Variants in ITIH6 observed in about 807,000 individuals in gnomAD.
ITIH6 encodes inter-alpha-trypsin inhibitor heavy chain family member 6.
Under a neutral mutation model 58.2 loss-of-function variants are expected in ITIH6, and 60 were observed. That is an observed-to-expected ratio of 1.03 (90% CI 0.84 to 1.28). The LOEUF (loss-of-function observed/expected upper bound fraction) is 1.28. Among genes scored for constraint, ITIH6 ranks in the 50% most tolerant of loss-of-function variants. The probability of loss-of-function intolerance (pLI) is 0.00; values close to 1 mark genes in which losing one functional copy is unlikely to be tolerated. For missense variants in ITIH6, 1,290 were observed against 1,021.1 expected, an observed-to-expected ratio of 1.26 and a Z score of -3.59; for synonymous variants, 493 against 417.4, an observed-to-expected ratio of 1.18 and a Z score of -2.21.
intron 6 of ITIH6, among the ~76,000 whole-genome samples, chrX:54,764,406 C>T (rs1333971198): frequency 1.9e-5 from 2 of 107,529 alleles, no homozygotes; most frequent in East Asian, 2.9e-4. Flanking sequence ...CTATCCCTCC[C>T]CCCTTCCCCC....
chrX:54,753,046 G>A (rs181655413), intron 11 of ITIH6, among the ~76,000 whole-genome samples: 23 of 112,699 alleles, frequency 2.0e-4, no homozygotes, highest in East Asian at 1.4e-3. Context: ...AAGCCTCACC[G>A]GAGAATTCTC....
Position 54,757,740 on chromosome X carries a change from A to G in ITIH6, c.2334T>C (p.Cys778=), listed in dbSNP as rs1380254794. 1 of 1,211,821 alleles carries G rather than the reference A, an allele frequency of 8.3e-7. No homozygotes were observed. The highest frequency in any genetic ancestry group is 2.2e-5 in the Admixed American group (1 of 46,041). The change falls in exon 8 of 13, where the codon TGT becomes TGC. Residue 778 remains cysteine (C), a synonymous_variant. Transcript: ENST00000218436. The stretch of plus-strand genomic sequence containing the variant: ...CAGGTTTGGAATGCAGTGGAGTAAC[A>G]CATTTCACAGTGTCAGCTTTGGGCG... ...PASPKADTVK[C]VTPLHSKPGA...
chrX:54,778,075 G>T (rs1275555432), intron 5 of ITIH6, among the ~76,000 whole-genome samples: 1 of 111,695 alleles, frequency 9.0e-6, no homozygotes, highest in Non-Finnish European at 1.9e-5. Context: ...CACAGAGAAG[G>T]CATTCAGAAT....
At chrX:54,794,681 A>C (rs1929409876) in intron 2 of ITIH6, among the ~76,000 whole-genome samples, 1 of 111,361 alleles carries the variant, frequency 9.0e-6, no homozygotes, top group Admixed American at 9.5e-5. Context: ...GGCCCACCCC[A>C]GGGCTGCTGT....
intron 5 of ITIH6, chrX:54,787,338 TC>T (rs1174385128): frequency 8.9e-6 from 1 of 112,114 alleles, no homozygotes; most frequent in East Asian, 2.8e-4. Context: ...AATTCATTTT[TC>T]CCATGCTTAC....
Position 54,774,204 on chromosome X carries a change from C to CAAAAAAAAAAAAAAAAAAAA in ITIH6, c.787-8_787-7insTTTTTTTTTTTTTTTTTTTT, listed in dbSNP as rs35679081. On this transcript the variant is annotated splice_region_variant and splice_polypyrimidine_tract_variant and intron_variant, in intron 5 of 12. Transcript: ENST00000218436. ...TGAAATAGTCATCGTAAATCTGGAC[C>CAAAAAAAAAAAAAAAAAAAA]AAAAAAAAAAAAAAAAAAGTAGAAC... 2.3e-6 allele frequency: 1 copy of CAAAAAAAAAAAAAAAAAAAA among 427,058 alleles called. No homozygotes were observed. The highest frequency in any genetic ancestry group is 3.3e-6 in the Non-Finnish European group (1 of 304,979). The allele number at this position is 427,058 out of a possible 1,213,427, so 35.2% of individuals were successfully genotyped here. A position where few individuals can be genotyped will look rare whatever the true frequency, so the allele number is the denominator to read the frequency against.
Position 54,791,029 on chromosome X carries a change from C to T in ITIH6, c.424G>A (p.Val142Met), listed in dbSNP as rs1245078536. ...TCCTCATAGGCCAGGGAAAAAGTCA[C>T]CTCTGTGCCTGCTGCCAGGCTGGTG... ...ISTSLAAGTE[V>M]TFSLAYEELL... The change falls in exon 4 of 13, where the codon GTG becomes ATG. Residue 142 changes from valine (V) to methionine (M), a missense_variant. Transcript: ENST00000218436. 4.1e-6 allele frequency: 5 copies of T among 1,211,592 alleles called. No individual in the cohort carries two copies. The highest frequency in any genetic ancestry group is 2.2e-5 in the Admixed American group (1 of 46,088).
rs1928313689 is a variant in ITIH6 at position 54,749,799 on chromosome X, C to T, written c.*96G>A. On this transcript the variant is annotated 3_prime_UTR_variant, in exon 13 of 13. Coordinates refer to ENST00000218436, the MANE Select transcript of ITIH6 (RefSeq NM_198510.3). The stretch of plus-strand genomic sequence containing the variant: ...GTGAGTCTGTGTGTCCCTGTGTGTG[C>T]TTCCATGTCCTTGGGTCTCTGTCCC... 6.1e-6 allele frequency: 4 copies of T among 653,166 alleles called. No individual in the cohort carries two copies. Among genetic ancestry groups the T allele is most frequent in the Non-Finnish European group, 9.3e-6 (4 of 427,918 alleles). 53.8% of individuals were successfully genotyped at this position (653,166 alleles called of 1,213,427 possible). A position where few individuals can be genotyped will look rare whatever the true frequency, so the allele number is the denominator to read the frequency against.
At chrX:54,750,168 C>T (rs1363760955) in intron 12 of ITIH6, 62 bp from the exon 13 acceptor site, 3 of 884,575 alleles carry the variant, frequency 3.4e-6, no homozygotes, top group African/African-American at 4.0e-5. Context: ...CAGAGATCTG[C>T]AAGGAGGCCC....
chrX:54,780,546 G>A (rs1439596477), intron 5 of ITIH6, among the ~76,000 whole-genome samples: 1 of 111,716 alleles, frequency 9.0e-6, no homozygotes, highest in Non-Finnish European at 1.9e-5. Flanking sequence ...CTTTATAGCT[G>A]TAAGTGCCTA....
chrX:54,756,989 T>C lies in ITIH6; in HGVS notation c.3085A>G (p.Thr1029Ala). ...VESLNPPAFY[T>A]FLTPDEDGSP... is the part of the protein sequence containing the mutation. ...CCATCTTCATCAGGAGTGAGGAAGG[T>C]ATAGAAAGCTGGTGGGTTCAAGGAC... Residue 1029 changes from threonine to alanine, a missense_variant, in exon 8 of 13, where the codon ACC becomes GCC. Coordinates refer to ENST00000218436, the MANE Select transcript of ITIH6 (RefSeq NM_198510.3). 1 of 1,192,593 alleles carries C rather than the reference T, an allele frequency of 8.4e-7. No individual in the cohort carries two copies. The highest frequency in any genetic ancestry group is 1.1e-6 in the Non-Finnish European group (1 of 884,501).
Position 54,791,091 on chromosome X carries a change from A to G in ITIH6, c.369-7T>C. On this transcript the variant is annotated splice_polypyrimidine_tract_variant and splice_region_variant and intron_variant, in intron 3 of 12. Coordinates refer to ENST00000218436, the MANE Select transcript of ITIH6 (RefSeq NM_198510.3). Reference sequence around the variant, plus strand: ...CTTCTCTGATTCCCGGTCCCTGGGCAGGAAAGGGAGGATGGTGGGAAGAGA... The same window carrying G: ...CTTCTCTGATTCCCGGTCCCTGGGCGGGAAAGGGAGGATGGTGGGAAGAGA... 8.3e-7 allele frequency: 1 copy of G among 1,209,511 alleles called. No homozygotes were observed.
At chrX:54,796,743 T>C (rs1301642675) in intron 2 of ITIH6, among the ~76,000 whole-genome samples, 199 bp downstream of exon 2, 1 of 110,897 alleles carries the variant, frequency 9.0e-6, no homozygotes, top group Non-Finnish European at 1.9e-5. Context: ...ATCCCCATTT[T>C]GTAGATATGT....
chrX:54,774,458 C>T (rs1929016271), intron 5 of ITIH6, among the ~76,000 whole-genome samples: 1 of 113,071 alleles, frequency 8.8e-6, no homozygotes, highest in South Asian at 3.6e-4. Flanking sequence ...CCCAGGACTC[C>T]AAGGATCAGG....
intron 2 of ITIH6, among the ~76,000 whole-genome samples, chrX:54,795,094 C>A (rs761874959): frequency 4.5e-5 from 5 of 111,937 alleles, no homozygotes; most frequent in Non-Finnish European, 9.4e-5. Flanking sequence ...GATTCTGCCC[C>A]TGTTTGCCTA....
Position 54,757,846 on chromosome X carries a change from G to A in ITIH6, c.2228C>T (p.Ser743Phe). 2 of 1,211,638 alleles carry A rather than the reference G, an allele frequency of 1.7e-6. No homozygotes were observed. The highest frequency in any genetic ancestry group is 2.2e-6 in the Non-Finnish European group (2 of 895,373). ...SGTLLPLKPGSLSHQNPDILP... is the reference protein window; with the variant it reads ...SGTLLPLKPGFLSHQNPDILP... ...TATATCAGGATTCTGGTGTGATAGA[G>A]AGCCGGGCTTCAGAGGCAACAGAGT... Residue 743 changes from serine to phenylalanine, a missense_variant, in exon 8 of 13, where the codon TCT becomes TTT. Transcript: ENST00000218436.
chrX:54,771,528 T>G (rs1469639778), intron 6 of ITIH6, among the ~76,000 whole-genome samples: 1 of 111,852 alleles, frequency 8.9e-6, no homozygotes, highest in African/African-American at 3.3e-5. Context: ...TATCCAGCAT[T>G]TCCTTTTTAT....
intron 6 of ITIH6, among the ~76,000 whole-genome samples, chrX:54,772,712 GT>G (rs991840342): frequency 1.8e-5 from 2 of 112,012 alleles, no homozygotes; most frequent in Non-Finnish European, 3.8e-5. Flanking sequence ...GGGGTTTTAA[GT>G]TTATCTGGCT....
chrX:54,796,710 A>G (rs1366112974), intron 2 of ITIH6, among the ~76,000 whole-genome samples: 22 of 110,676 alleles, frequency 2.0e-4, no homozygotes. Flanking sequence ...AAGAAAGAAA[A>G]AAAGAAAGTG....
Sources: allele counts gnomAD v4.1 joint callset (sites outside exome capture counted in the v4.1 genomes callset), GRCh38; gene constraint gnomAD v4.1.1; transcripts MANE v1.5; gene names NCBI Gene and HGNC (gene_info 2026-07-23, HGNC 2026-07-21).